The following RGS20 variants were observed in gnomAD, a reference collection of about 807,000 sequenced individuals.
RGS20 encodes regulator of G protein signaling 20.
RGS20 carries 30 observed loss-of-function variants against 33.6 expected under a neutral mutation model. The ratio of observed to expected loss-of-function variants is 0.89; its 90% CI spans 0.67 to 1.21. The LOEUF is 1.21. Among genes scored for constraint, RGS20 ranks in the 50% most tolerant of loss-of-function variants. The probability of loss-of-function intolerance (pLI) is 0.00; values close to 1 mark genes in which losing one functional copy is unlikely to be tolerated. For missense variants in RGS20, 472 were observed against 502.4 expected (o/e 0.94, Z 0.58); for synonymous variants, 208 against 197.9 (o/e 1.05, Z -0.43).
chr8:53,942,789 G>C (rs976119013), intron 3 of RGS20, among the ~76,000 whole-genome samples: 2 of 147,220 alleles, frequency 1.4e-5, no homozygotes, highest in African/African-American at 2.5e-5. Context: ...AGGAGTTCGA[G>C]ACCAGCTGGG....
At chr8:53,886,252 G>A (rs945452064) in intron 2 of RGS20, among the ~76,000 whole-genome samples, 4 of 152,178 alleles carry the variant, frequency 2.6e-5, no homozygotes, top group African/African-American at 9.7e-5. Context: ...CTTGGAGTGA[G>A]TCAGTTCATA....
intron 2 of RGS20, among the ~76,000 whole-genome samples, chr8:53,925,024 G>A (rs944663983): frequency 2.0e-5 from 3 of 152,154 alleles, no homozygotes; most frequent in Admixed American, 2.0e-4. Context: ...GTCCCTTTTA[G>A]CTTCTGGACT....
At chr8:53,928,027 T>G (rs1286054562) in intron 2 of RGS20, among the ~76,000 whole-genome samples, 1 of 152,216 alleles carries the variant, frequency 6.6e-6, no homozygotes, top group Non-Finnish European at 1.5e-5. Flanking sequence ...TTAATTCACT[T>G]CATTAACTAT....
At chr8:53,911,896 G>T (rs1813357026) in intron 2 of RGS20, among the ~76,000 whole-genome samples, 1 of 152,156 alleles carries the variant, frequency 6.6e-6, no homozygotes. Context: ...AGCCGAGATT[G>T]GGCCACTTAA....
chr8:53,890,644 T>C (rs1812688035), intron 2 of RGS20, among the ~76,000 whole-genome samples: 1 of 151,942 alleles, frequency 6.6e-6, no homozygotes, highest in Non-Finnish European at 1.5e-5. Flanking sequence ...GTTTTGGGGG[T>C]TTTTTTGTTT....
Position 53,854,776 on chromosome 8 carries a change from C to T in RGS20, c.165+2712C>T, listed in dbSNP as rs527472265. On this transcript the variant is annotated intron_variant, in intron 1 of 5. Transcript: ENST00000297313. The stretch of plus-strand genomic sequence containing the variant: ...AGCAATTTCACCATTAGGCATTTAT[C>T]CCAGAGAAATGAAAACCTACATTTG... Among the ~76,000 whole-genome samples, 123 of 152,248 alleles carry T rather than the reference C, an allele frequency of 8.1e-4. 1 individual carries two copies. Among genetic ancestry groups the T allele is most frequent in the African/African-American group, 2.9e-3 (120 of 41,538 alleles).
At chr8:53,949,181 A>G (rs1413898916) in intron 4 of RGS20, among the ~76,000 whole-genome samples, 1 of 120,028 alleles carries the variant, frequency 8.3e-6, no homozygotes, top group Non-Finnish European at 1.7e-5. Flanking sequence ...TATAAGATAC[A>G]GTATATATTT....
intron 3 of RGS20, among the ~76,000 whole-genome samples, chr8:53,940,919 C>A (rs1188500185): frequency 6.6e-6 from 1 of 152,184 alleles, no homozygotes; most frequent in Admixed American, 6.5e-5. Context: ...GATGGCCAGA[C>A]TGCATTTAGG....
chr8:53,951,321 C>CA (rs1300119675), intron 4 of RGS20, among the ~76,000 whole-genome samples: 1 of 151,742 alleles, frequency 6.6e-6, no homozygotes, highest in Non-Finnish European at 1.5e-5. Flanking sequence ...CTCATCTCTA[C>CA]AAAAAAATAC....
intron 2 of RGS20, among the ~76,000 whole-genome samples, chr8:53,881,563 C>T (rs1812385260): frequency 1.3e-5 from 2 of 151,970 alleles, no homozygotes; most frequent in South Asian, 4.2e-4. Context: ...GGTAAGGAGA[C>T]AGAGCCTCCT....
intron 1 of RGS20, among the ~76,000 whole-genome samples, chr8:53,855,541 A>C (rs1004136678): frequency 1.7e-4 from 26 of 152,324 alleles, no homozygotes; most frequent in Non-Finnish European, 3.2e-4. Context: ...CACACATTAC[A>C]TGTGTAATGT....
intron 1 of RGS20, among the ~76,000 whole-genome samples, chr8:53,875,742 T>C (rs1812193782): frequency 1.3e-5 from 2 of 152,194 alleles, no homozygotes; most frequent in Admixed American, 6.5e-5. Flanking sequence ...TTTTAAAAGT[T>C]ATTAAAAGAA....
At chr8:53,909,302 A>T (rs7842748) in intron 2 of RGS20, among the ~76,000 whole-genome samples, 9,855 of 142,104 alleles carry the variant, frequency 0.069, 1,077 homozygotes, top group African/African-American at 0.24. Context: ...CAGGCTGGAG[A>T]GCAGTGGTGT....
At chr8:53,943,945 C>CA (rs1484598412) in intron 3 of RGS20, among the ~76,000 whole-genome samples, 1 of 151,432 alleles carries the variant, frequency 6.6e-6, no homozygotes, top group South Asian at 2.1e-4. Context: ...AGAAAGAAGT[C>CA]AAAAGGGTTC....
intron 1 of RGS20, among the ~76,000 whole-genome samples, chr8:53,853,713 G>A (rs1240876926): frequency 6.6e-6 from 1 of 152,224 alleles, no homozygotes; most frequent in Non-Finnish European, 1.5e-5. Context: ...AGGGAATAAA[G>A]AGAAAGAGCA....
At chr8:53,864,288 G>C (rs531327118) in intron 1 of RGS20, among the ~76,000 whole-genome samples, 13 of 151,938 alleles carry the variant, frequency 8.6e-5, no homozygotes, top group Non-Finnish European at 1.8e-4. Context: ...AAAAAAATCA[G>C]CTGGGCATGA....
At chr8:53,949,199 C>CTA (rs768159230) in intron 4 of RGS20, among the ~76,000 whole-genome samples, 11 of 15,436 alleles carry the variant, frequency 7.1e-4, no homozygotes, top group East Asian at 0.011. Context: ...TTTATATATG[C>CTA]TATATAAGAT....
intron 2 of RGS20, among the ~76,000 whole-genome samples, chr8:53,893,406 G>C (rs1264609142): frequency 6.6e-6 from 1 of 152,182 alleles, no homozygotes; most frequent in Non-Finnish European, 1.5e-5. Context: ...CGGAGTAGCA[G>C]GACTCTCCTG....
intron 4 of RGS20, among the ~76,000 whole-genome samples, chr8:53,953,569 G>T (rs1476161679): frequency 6.6e-6 from 1 of 151,934 alleles, no homozygotes; most frequent in Non-Finnish European, 1.5e-5. Flanking sequence ...CAGTACAGCG[G>T]TGGCATTTAT....
Sources: allele counts gnomAD v4.1 joint callset (sites outside exome capture counted in the v4.1 genomes callset), GRCh38; gene constraint gnomAD v4.1.1; transcripts MANE v1.5; gene names NCBI Gene and HGNC (gene_info 2026-07-23, HGNC 2026-07-21).